Variants in HEATR4 observed in about 807,000 individuals in gnomAD.
HEATR4 encodes the protein HEAT repeat containing 4.
A neutral mutation model predicts 108.8 loss-of-function variants in HEATR4; 95 were observed. That is an observed-to-expected ratio of 0.87 (90% CI 0.74 to 1.04). The LOEUF is 1.04. Among genes scored for constraint, HEATR4 ranks in the 50% least tolerant of loss-of-function variants. The pLI, the probability that HEATR4 is intolerant of heterozygous loss-of-function variation, is 0.00. For synonymous variants in HEATR4, 443 were observed against 459.4 expected, an observed-to-expected ratio of 0.96 and a Z score of 0.46; for missense variants, 1,152 against 1,253.8, an observed-to-expected ratio of 0.92 and a Z score of 1.23.
At chr14:73,590,711 G>A in the HEATR4 span, among the ~76,000 whole-genome samples, 1 of 151,766 alleles carries the variant, frequency 6.6e-6, no homozygotes, top group Admixed American at 6.6e-5. Context: ...GGGCTTGCGG[G>A]CCGGCCGGCC....
intron 1 of HEATR4, chr14:73,537,401 A>T (rs113717902): frequency 0.018 from 22,667 of 1,233,648 alleles, 6,337 homozygotes; most frequent in African/African-American, 0.098. Context: ...GTTTGGCCGG[A>T]TTATTTGGGT....
rs1887091045 is a variant in HEATR4, at chr14:73,509,810, C to CTATA, written c.1559-338_1559-337insTATA. 2.1e-3 allele frequency among the ~76,000 whole-genome samples: 130 copies of CTATA among 63,186 alleles called. 42 individuals carry two copies. The highest frequency in any genetic ancestry group is 0.017 in the Middle Eastern group (2 of 120). The allele number at this position is 63,186 out of a possible 152,430, so 41.5% of individuals were successfully genotyped here. A position where few individuals can be genotyped will look rare whatever the true frequency, so the allele number is the denominator to read the frequency against. On this transcript the variant is annotated intron_variant, in intron 7 of 17. Transcript: ENST00000553558. ...AAAGCAACCAATTTGCCCCATGAGC[C>CTATA]CATATATATATATATATATATATAT...
intron 15 of HEATR4, among the ~76,000 whole-genome samples, chr14:73,496,117 G>A (rs1409427166): frequency 3.3e-5 from 5 of 151,992 alleles, no homozygotes; most frequent in Admixed American, 6.6e-5. Flanking sequence ...GCGACAGAGC[G>A]AGACTGTCCC....
rs1471693702 is a variant in HEATR4, at chr14:73,550,561, C to T, written c.-152+8190G>A. On this transcript the variant is annotated intron_variant, in intron 1 of 17. Transcript: ENST00000553558. ...TTATTAGCAACACCTCTTCCCACCA[C>T]CTTATGAATAATCATGTAAGACTCC... 1.8e-5 allele frequency among the ~76,000 whole-genome samples: 2 copies of T among 112,942 alleles called. 1 individual carries two copies. The highest frequency in any genetic ancestry group is 5.8e-5 in the African/African-American group (2 of 34,408). 74.1% of individuals were successfully genotyped at this position (112,942 alleles called of 152,430 possible). A position where few individuals can be genotyped will look rare whatever the true frequency, so the allele number is the denominator to read the frequency against.
rs1477900182 is a variant in HEATR4 at position 73,514,026 on chromosome 14, C to T, written c.1414+5G>A. The T allele has an allele frequency of 6.2e-7, 1 of 1,613,980 alleles. No individual in the cohort carries two copies. Among genetic ancestry groups the T allele is most frequent in the East Asian group, 2.2e-5 (1 of 44,888 alleles). ...TACAGTATCACAGGACCTCCCTTCA[C>T]TCACTCAGAGCCCAGGCAGTCTTCC... On this transcript the variant is annotated splice_donor_5th_base_variant and intron_variant, in intron 6 of 17. Coordinates refer to ENST00000553558, the MANE Select transcript of HEATR4 (RefSeq NM_001220484.1).
intron 17 of HEATR4, 61 bp from the exon 18 acceptor site, chr14:73,478,903 G>GCC (rs1328199047): frequency 1.3e-5 from 17 of 1,349,300 alleles, no homozygotes; most frequent in Non-Finnish European, 1.7e-5. Flanking sequence ...GAGCGGCAGA[G>GCC]CCCAAGTGAA....
chr14:73,558,236 C>T (rs1889432497), intron 1 of HEATR4, among the ~76,000 whole-genome samples: 1 of 138,048 alleles, frequency 7.2e-6, no homozygotes, highest in Non-Finnish European at 1.6e-5. Context: ...CCTTTTTGCC[C>T]TCAAAAAGTT....
the HEATR4 span, among the ~76,000 whole-genome samples, chr14:73,607,704 A>T: frequency 0.023 from 3,534 of 151,212 alleles, 68 homozygotes; most frequent in South Asian, 0.097. Flanking sequence ...GCTCACTGCA[A>T]CCTCTGCCTC....
chr14:73,482,673 T>C (rs1006869451), intron 17 of HEATR4, among the ~76,000 whole-genome samples: 1 of 152,332 alleles, frequency 6.6e-6, no homozygotes, highest in East Asian at 1.9e-4. Flanking sequence ...CCTTATTTTT[T>C]GAGACAGAGT....
chr14:73,564,815 C>G, the HEATR4 span, among the ~76,000 whole-genome samples: 1 of 147,002 alleles, frequency 6.8e-6, no homozygotes, highest in Non-Finnish European at 1.5e-5. Context: ...CAATCTCCTG[C>G]CTAGGACTCC....
the HEATR4 span, chr14:73,631,765 G>A: frequency 6.5e-6 from 1 of 154,474 alleles, no homozygotes; most frequent in African/African-American, 2.4e-5. Flanking sequence ...CACCTGGCCT[G>A]AGGTTGAACT....
Position 73,509,352 on chromosome 14 carries a change from ATTATG to A in HEATR4, c.1675_1679del (p.His559SerfsTer15). On this transcript the variant is annotated frameshift_variant, in exon 8 of 18. Coordinates refer to ENST00000553558, the MANE Select transcript of HEATR4 (RefSeq NM_001220484.1). LOFTEE classifies it high-confidence loss of function. Reference sequence around the variant, plus strand: ...TCTGCATGATGTTCCGGGCAAGGGGATTATGTGACTGTATGGCATATTGGCATATT... The same window carrying A: ...TCTGCATGATGTTCCGGGCAAGGGGATGACTGTATGGCATATTGGCATATT... The A allele has an allele frequency of 6.2e-7, 1 of 1,614,088 alleles. No homozygotes were observed. Among genetic ancestry groups the A allele is most frequent in the Non-Finnish European group, 8.5e-7 (1 of 1,180,024 alleles).
chr14:73,592,122 G>T, the HEATR4 span: 1 of 1,553,608 alleles, frequency 6.4e-7, no homozygotes, highest in South Asian at 1.2e-5. Context: ...CTACTGCGCC[G>T]ACGCCCGCGG....
the HEATR4 span, among the ~76,000 whole-genome samples, chr14:73,587,766 G>A: frequency 1.1e-3 from 168 of 152,260 alleles, no homozygotes; most frequent in Non-Finnish European, 1.9e-3. Context: ...TTGTTTCCAC[G>A]GGACCTCCCA....
At chr14:73,590,173 G>A in the HEATR4 span, among the ~76,000 whole-genome samples, 1 of 152,124 alleles carries the variant, frequency 6.6e-6, no homozygotes, top group Admixed American at 6.5e-5. Flanking sequence ...CTGCTGATTG[G>A]CCCATTTTAC....
chr14:73,573,675 C>G, the HEATR4 span: 34 of 1,476,008 alleles, frequency 2.3e-5, no homozygotes, highest in Non-Finnish European at 3.2e-5. Context: ...TTAGCTCATT[C>G]ATGACAGCCA....
chr14:73,520,621 A>G, intron 4 of HEATR4: 1 of 430,332 alleles, frequency 2.3e-6, no homozygotes, highest in Non-Finnish European at 4.1e-6. Flanking sequence ...TTGCCTCTTT[A>G]GTAAGATAGA....
chr14:73,543,209 C>T (rs1411779281), intron 1 of HEATR4: 34 of 1,604,244 alleles, frequency 2.1e-5, no homozygotes, highest in Non-Finnish European at 2.7e-5. Flanking sequence ...GACCCTGCCC[C>T]CTGTGGGCGT....
chr14:73,587,874 A>G, the HEATR4 span, among the ~76,000 whole-genome samples: 1 of 152,312 alleles, frequency 6.6e-6, no homozygotes, highest in East Asian at 1.9e-4. Flanking sequence ...TCCAACACAT[A>G]TTTTATGTCA....
Sources: gnomAD v4.1 joint callset for allele counts (sites outside exome capture counted in the v4.1 genomes callset) on GRCh38, gnomAD v4.1.1 for gene constraint, MANE v1.5 for transcripts, NCBI Gene and HGNC (gene_info 2026-07-23, HGNC 2026-07-21) for gene names.